Variants in LY6S observed in about 807,000 individuals in gnomAD.
The protein encoded by LY6S is lymphocyte antigen 6 family member S.
At chr8:143,042,072 C>A in the LY6S span, among the ~76,000 whole-genome samples, 2 of 91,472 alleles carry the variant, frequency 2.2e-5, no homozygotes, top group African/African-American at 9.1e-5. Flanking sequence ...GACGGCCGTC[C>A]ACCCAGGGCG....
At chr8:143,051,482 A>G in the LY6S span, among the ~76,000 whole-genome samples, 1 of 152,068 alleles carries the variant, frequency 6.6e-6, no homozygotes, top group African/African-American at 2.4e-5. Context: ...CAGAGGTTGC[A>G]GCGACCCAAG....
At chr8:143,070,406 ATT>A in the LY6S span, among the ~76,000 whole-genome samples, 20 of 117,374 alleles carry the variant, frequency 1.7e-4, no homozygotes, top group African/African-American at 6.7e-4. Context: ...TATATTTTTT[ATT>A]TATGTATATA....
chr8:143,047,462 T>A, the LY6S span, among the ~76,000 whole-genome samples: 1 of 152,224 alleles, frequency 6.6e-6, no homozygotes, highest in Admixed American at 6.5e-5. Flanking sequence ...TGACTTCTGC[T>A]CATGAGCCAG....
the LY6S span, among the ~76,000 whole-genome samples, chr8:143,069,892 G>A: frequency 6.6e-6 from 1 of 152,202 alleles, no homozygotes; most frequent in Non-Finnish European, 1.5e-5. Flanking sequence ...GAATGAACAG[G>A]GGACAGGGGA....
chr8:143,075,158 C>T, the LY6S span, among the ~76,000 whole-genome samples: 34 of 152,094 alleles, frequency 2.2e-4, no homozygotes, highest in African/African-American at 8.2e-4. The surrounding 1 kb of genome is among the most constrained non-coding windows in gnomAD (Gnocchi z 4.1). Context: ...TCAGTCTTGC[C>T]AGATATTTGT....
the LY6S span, among the ~76,000 whole-genome samples, chr8:143,069,227 T>C: frequency 6.6e-6 from 1 of 152,238 alleles, no homozygotes; most frequent in Non-Finnish European, 1.5e-5. Flanking sequence ...GTCCAGACGC[T>C]TCCGCAGTGA....
the LY6S span, among the ~76,000 whole-genome samples, chr8:143,070,443 ATTG>A: frequency 0.057 from 3,978 of 69,970 alleles, 402 homozygotes; most frequent in African/African-American, 0.22. Context: ...TTATATATAT[ATTG>A]TATATATATA....
chr8:143,051,370 G>A, the LY6S span, among the ~76,000 whole-genome samples: 5 of 152,002 alleles, frequency 3.3e-5, no homozygotes, highest in African/African-American at 1.2e-4. Context: ...GTGAAACCCC[G>A]TCTCTACTAA....
chr8:143,064,270 G>A, the LY6S span, among the ~76,000 whole-genome samples: 6 of 152,188 alleles, frequency 3.9e-5, no homozygotes, highest in South Asian at 2.1e-4. Flanking sequence ...TTCAGGTAGC[G>A]GTGGCTGAGA....
At chr8:143,074,810 C>A in the LY6S span, among the ~76,000 whole-genome samples, 3 of 152,134 alleles carry the variant, frequency 2.0e-5, no homozygotes, top group African/African-American at 7.2e-5. Context: ...GCAAAAGAAC[C>A]AAGAAACATC....
the LY6S span, among the ~76,000 whole-genome samples, chr8:143,059,160 C>T: frequency 1.7e-4 from 26 of 152,118 alleles, no homozygotes; most frequent in Admixed American, 3.3e-4. Flanking sequence ...TCCCAGAGTG[C>T]AGGGATTACA....
the LY6S span, among the ~76,000 whole-genome samples, chr8:143,074,339 GGT>G: frequency 2.0e-5 from 3 of 151,812 alleles, no homozygotes; most frequent in African/African-American, 7.3e-5. Context: ...TGTGTATGTG[GGT>G]GTGTGTGTTT....
the LY6S span, among the ~76,000 whole-genome samples, chr8:143,063,610 C>T: frequency 6.6e-6 from 1 of 152,216 alleles, no homozygotes; most frequent in Non-Finnish European, 1.5e-5. Flanking sequence ...CTGCATGTGG[C>T]AGGGCTGTGT....
the LY6S span, among the ~76,000 whole-genome samples, chr8:143,040,902 G>T: frequency 6.6e-6 from 1 of 152,144 alleles, no homozygotes; most frequent in Admixed American, 6.5e-5. Context: ...GATGCCCCCT[G>T]AGCCGTAAAA....
At chr8:143,045,053 G>A in the LY6S span, among the ~76,000 whole-genome samples, 3 of 152,132 alleles carry the variant, frequency 2.0e-5, no homozygotes, top group East Asian at 1.9e-4. This position sits in a 1 kb window ranked among gnomAD's most constrained non-coding sequence, Gnocchi z 5.3. Context: ...AGGCATACAC[G>A]TGCCCAGGAC....
At chr8:143,070,960 G>A in the LY6S span, among the ~76,000 whole-genome samples, 2 of 151,736 alleles carry the variant, frequency 1.3e-5, no homozygotes, top group South Asian at 2.1e-4. Flanking sequence ...GAAAGAGATC[G>A]TATTGATCAG....
the LY6S span, among the ~76,000 whole-genome samples, chr8:143,056,118 C>T: frequency 0.75 from 112,125 of 149,416 alleles, 42,475 homozygotes; most frequent in East Asian, 0.93. Context: ...CACAGTGCCG[C>T]GGGTTTCCTC....
chr8:143,060,930 C>T, the LY6S span, among the ~76,000 whole-genome samples: 7 of 151,184 alleles, frequency 4.6e-5, no homozygotes, highest in Admixed American at 2.0e-4. Flanking sequence ...AAAGAAAATA[C>T]GAGAAATATT....
the LY6S span, among the ~76,000 whole-genome samples, chr8:143,045,429 A>T: frequency 6.6e-6 from 1 of 152,170 alleles, no homozygotes; most frequent in Non-Finnish European, 1.5e-5. The surrounding 1 kb of genome is among the most constrained non-coding windows in gnomAD (Gnocchi z 5.3). Flanking sequence ...GGATCGAATG[A>T]GTCCTGCACA....
Sources: allele counts gnomAD v4.1 joint callset (sites outside exome capture counted in the v4.1 genomes callset), GRCh38; gene constraint gnomAD v4.1.1; non-coding constraint Gnocchi (gnomAD v3.1); transcripts MANE v1.5; gene names NCBI Gene and HGNC (gene_info 2026-07-23, HGNC 2026-07-21).